LIPG: variants seen among roughly 807,000 people sequenced by gnomAD.
LIPG encodes endothelial lipase.
In LIPG, 34 loss-of-function variants were observed where a neutral mutation model predicts 51.8. The observed-to-expected ratio is 0.66, with a 90% CI of 0.50 to 0.87. LIPG has a LOEUF of 0.87. LIPG is among the 40% of genes least tolerant of loss of function. LIPG has a pLI of 0.00. For missense variants in LIPG, 580 were observed against 652.7 expected, an observed-to-expected ratio of 0.89 and a Z score of 1.21; for synonymous variants, 246 against 246.1, an observed-to-expected ratio of 1.00 and a Z score of 0.00.
At chr18:49,570,387 G>A (rs180722971) in intron 4 of LIPG, among the ~76,000 whole-genome samples, 52 of 152,224 alleles carry the variant, frequency 3.4e-4, no homozygotes, top group African/African-American at 1.2e-3. Context: ...ACAATTAATG[G>A]TAAATTTGTT....
rs61761311 is a variant in LIPG, at chr18:49,562,203, C to G, written c.-106C>G. The stretch of plus-strand genomic sequence containing the variant: ...CTTCTCTGCCTCCAGTCCCCCAGCC[C>G]CTGGCCGAGAGAAGGGTCTTACCGG... On this transcript the variant is annotated 5_prime_UTR_variant, in exon 1 of 10. Transcript: ENST00000261292. The G allele has an allele frequency of 7.0e-5, 112 of 1,594,296 alleles. 1 individual carries two copies. In the East Asian group the frequency reaches 2.4e-3, roughly 34 times the overall value.
chr18:49,579,778 C>CTT (rs1214323146), intron 5 of LIPG, among the ~76,000 whole-genome samples: 1 of 68,276 alleles, frequency 1.5e-5, no homozygotes, highest in Admixed American at 1.3e-4. Context: ...CTTTTCTTTT[C>CTT]TTTTCTTTTC....
In LIPG at chr18:49,562,368, G is replaced by T; in HGVS notation, c.60G>T (p.Gly20=). 1 of 1,614,016 alleles carries T rather than the reference G, an allele frequency of 6.2e-7. No individual in the cohort carries two copies. The highest frequency in any genetic ancestry group is 8.5e-7 in the Non-Finnish European group (1 of 1,180,040). ...FWSLCYCFAA[G]SPVPFGPEGR... Reference sequence around the variant, plus strand: ...GCCTCTGCTATTGCTTTGCTGCGGGGAGCCCCGTACCTTTTGGTCCAGAGG... The same window carrying T: ...GCCTCTGCTATTGCTTTGCTGCGGGTAGCCCCGTACCTTTTGGTCCAGAGG... Residue 20 remains glycine (G), a synonymous_variant, in exon 1 of 10, where the codon GGG becomes GGT. Transcript: ENST00000261292.
chr18:49,598,308 C>G lies in LIPG; in HGVS notation c.*7786C>G, dbSNP rs549899778. The stretch of plus-strand genomic sequence containing the variant: ...CTCCTGGGCTCAAGCAGTCCTCCCA[C>G]TTCAGCCTCCCAAATAGCTGGGACT... On this transcript the variant is annotated 3_prime_UTR_variant, in exon 10 of 10. Transcript: ENST00000261292. 2 of 152,602 alleles carry G rather than the reference C, an allele frequency of 1.3e-5. No homozygotes were observed. Among genetic ancestry groups the G allele is most frequent in the East Asian group, 3.8e-4 (2 of 5,198 alleles). 9.5% of individuals were successfully genotyped at this position (152,602 alleles called of 1,614,324 possible).
chr18:49,590,701 C>G lies in LIPG; in HGVS notation c.*179C>G. The G allele has an allele frequency of 8.8e-6, 6 of 679,596 alleles. No individual in the cohort carries two copies. Among genetic ancestry groups the G allele is most frequent in the Non-Finnish European group, 1.6e-5 (6 of 379,076 alleles). 42.1% of individuals were successfully genotyped at this position (679,596 alleles called of 1,614,324 possible). On this transcript the variant is annotated 3_prime_UTR_variant, in exon 10 of 10. Transcript: ENST00000261292. Reference sequence around the variant, plus strand: ...GGACTCCTCGCGGGAGGGGACTGCGCTGCTATAGCTCTTGCTGCCTCTCTT... The same window carrying G: ...GGACTCCTCGCGGGAGGGGACTGCGGTGCTATAGCTCTTGCTGCCTCTCTT...
rs2084954445 is a variant in LIPG, at chr18:49,592,345, C to T, written c.*1823C>T. On this transcript the variant is annotated 3_prime_UTR_variant, in exon 10 of 10. Coordinates refer to ENST00000261292, the MANE Select transcript of LIPG (RefSeq NM_006033.4). Reference sequence around the variant, plus strand: ...AAAATGCTTGGAACCAGAAGTGTTTCAAATTTTAGATTATTTTCAGATTTT... The same window carrying T: ...AAAATGCTTGGAACCAGAAGTGTTTTAAATTTTAGATTATTTTCAGATTTT... 1 of 152,174 alleles carries T rather than the reference C, an allele frequency of 6.6e-6. No individual in the cohort carries two copies. The highest frequency in any genetic ancestry group is 2.4e-5 in the African/African-American group (1 of 41,436). 9.4% of individuals were successfully genotyped at this position (152,174 alleles called of 1,614,324 possible). A position where few individuals can be genotyped will look rare whatever the true frequency, so the allele number is the denominator to read the frequency against.
At chr18:49,569,633 G>C (rs1363581559) in intron 4 of LIPG, 85 bp downstream of exon 4, 2 of 1,104,516 alleles carry the variant, frequency 1.8e-6, no homozygotes, top group Non-Finnish European at 2.7e-6. Flanking sequence ...GTGAGTCATA[G>C]AAAGTTAGCT....
intron 8 of LIPG, 120 bp from the exon 9 acceptor site, chr18:49,586,626 G>T: frequency 2.7e-6 from 2 of 740,568 alleles, no homozygotes. Flanking sequence ...AGGCTTTTGA[G>T]TCGGGGCATG....
intron 2 of LIPG, among the ~76,000 whole-genome samples, chr18:49,566,261 C>G (rs932605207): frequency 6.6e-6 from 1 of 152,154 alleles, no homozygotes; most frequent in Non-Finnish European, 1.5e-5. Context: ...GGGTAGGTGC[C>G]TGCCTACCTA....
At chr18:49,564,893 A>C (rs1009280230) in intron 1 of LIPG, among the ~76,000 whole-genome samples, 1 of 152,224 alleles carries the variant, frequency 6.6e-6, no homozygotes, top group Non-Finnish European at 1.5e-5. Flanking sequence ...TGGCAGCATT[A>C]TATAATATAT....
Position 49,586,814 on chromosome 18 carries a change from A to G in LIPG, c.1445A>G (p.Lys482Arg), listed in dbSNP as rs2084884923. 1.2e-6 allele frequency: 2 copies of G among 1,614,154 alleles called. No individual in the cohort carries two copies. Among genetic ancestry groups the G allele is most frequent in the Non-Finnish European group, 8.5e-7 (1 of 1,180,000 alleles). ...CCAGGCCGGGAGCTCTGGTTTCGCAAGTGTCGGGATGGCTGGAGGATGAAA... is the reference window on the plus strand; with the variant it reads ...CCAGGCCGGGAGCTCTGGTTTCGCAGGTGTCGGGATGGCTGGAGGATGAAA... Reference protein sequence around the residue: ...ISPGRELWFRKCRDGWRMKNE... With the variant: ...ISPGRELWFRRCRDGWRMKNE... Residue 482 changes from lysine (K) to arginine (R), a missense_variant, in exon 9 of 10, where the codon AAG (lysine) becomes AGG (arginine). Lys to Arg is a conservative substitution (Grantham distance 26, BLOSUM62 2). Transcript: ENST00000261292.
At chr18:49,582,646 C>T (rs1429267900) in intron 7 of LIPG, among the ~76,000 whole-genome samples, 164 bp downstream of exon 7, 1 of 152,192 alleles carries the variant, frequency 6.6e-6, no homozygotes, top group Non-Finnish European at 1.5e-5. Flanking sequence ...GTCCTCTCTC[C>T]CACTGCACCT....
At chr18:49,587,008 C>T (rs2084887464) in intron 9 of LIPG, among the ~76,000 whole-genome samples, 158 bp downstream of exon 9, 1 of 152,026 alleles carries the variant, frequency 6.6e-6, no homozygotes, top group Non-Finnish European at 1.5e-5. Context: ...GTGGCTCAAG[C>T]CTGTAATCCC....
rs874565 is a variant in LIPG, at chr18:49,562,320, C to T, written c.12C>T (p.Ser4=). The change falls in exon 1 of 10, where the codon TCC becomes TCT. Residue 4 remains serine, a synonymous_variant. Coordinates refer to ENST00000261292, the MANE Select transcript of LIPG (RefSeq NM_006033.4). MSN[S]VPLLCFWSLC... Reference sequence around the variant, plus strand: ...TGTGGCGGGGCAGGATGAGCAACTCCGTTCCTCTGCTCTGTTTCTGGAGCC... The same window carrying T: ...TGTGGCGGGGCAGGATGAGCAACTCTGTTCCTCTGCTCTGTTTCTGGAGCC... 2 of 1,613,094 alleles carry T rather than the reference C, an allele frequency of 1.2e-6. No individual in the cohort carries two copies. Among genetic ancestry groups the T allele is most frequent in the Admixed American group, 1.7e-5 (1 of 59,986 alleles).
In LIPG at chr18:49,598,227, C is replaced by G. The variant is rs1348612662; in HGVS notation, c.*7705C>G. The G allele has an allele frequency of 1.3e-5, 2 of 152,194 alleles. No individual in the cohort carries two copies. The highest frequency in any genetic ancestry group is 4.8e-5 in the African/African-American group (2 of 41,430). 9.4% of individuals were successfully genotyped at this position (152,194 alleles called of 1,614,324 possible). On this transcript the variant is annotated 3_prime_UTR_variant, in exon 10 of 10. Coordinates refer to ENST00000261292, the MANE Select transcript of LIPG (RefSeq NM_006033.4). The stretch of plus-strand genomic sequence containing the variant: ...AATTTTTTTTGGAGACACGGTATCA[C>G]TGTGTGGCCCAGGCTGGAGTGTGGT...
rs978433171 is a variant in LIPG, at chr18:49,591,873, G to A, written c.*1351G>A. 1 of 152,148 alleles carries A rather than the reference G, an allele frequency of 6.6e-6. No individual in the cohort carries two copies. The highest frequency in any genetic ancestry group is 1.5e-5 in the Non-Finnish European group (1 of 68,030). The allele number at this position is 152,148 out of a possible 1,614,324, so 9.4% of individuals were successfully genotyped here. ...ATATACTAGTTAGTGGTGCAGCCAG[G>A]GAGAGGACTCAGATTTCCTGGAGGC... On this transcript the variant is annotated 3_prime_UTR_variant, in exon 10 of 10. Transcript: ENST00000261292.
chr18:49,564,924 TTTCTAAAATCTGAAAAC>T (rs1365188644), intron 1 of LIPG, among the ~76,000 whole-genome samples: 1 of 152,204 alleles, frequency 6.6e-6, no homozygotes, highest in Non-Finnish European at 1.5e-5. Flanking sequence ...CCATGATGCC[TTTCTAAAATCTGAAAAC>T]TTCTAAATTC....
Position 49,576,457 on chromosome 18 carries a change from C to CTTTTT in LIPG, c.793+890_793+894dup, listed in dbSNP as rs34597464. ...TCTTTTTTTAAAAGACAGAATCTTG[C>CTTTTT]TTTTTTTTTTTTTTTTTTTTTTTTT... On this transcript the variant is annotated intron_variant, in intron 5 of 9. Coordinates refer to ENST00000261292, the MANE Select transcript of LIPG (RefSeq NM_006033.4). 2.6e-3 allele frequency among the ~76,000 whole-genome samples: 135 copies of CTTTTT among 51,494 alleles called. 37 individuals are homozygous for CTTTTT. Among genetic ancestry groups the CTTTTT allele is most frequent in the African/African-American group, 6.2e-3 (73 of 11,792 alleles). The allele number at this position is 51,494 out of a possible 152,430, so 33.8% of individuals were successfully genotyped here.
At chr18:49,581,386 T>C in intron 5 of LIPG, 29 bp from the exon 6 acceptor site, 1 of 1,614,190 alleles carries the variant, frequency 6.2e-7, no homozygotes. Context: ...GGGCTCATCC[T>C]GCATGCTTTT....
Sources: allele counts gnomAD v4.1 joint callset (sites outside exome capture counted in the v4.1 genomes callset), GRCh38; gene constraint gnomAD v4.1.1; transcripts MANE v1.5; gene names NCBI Gene and HGNC (gene_info 2026-07-23, HGNC 2026-07-21).